Variants in CTNNA2 observed in about 807,000 individuals in gnomAD.
CTNNA2 encodes the protein catenin alpha 2.
Under a neutral mutation model 101.0 loss-of-function variants are expected in CTNNA2, and 42 were observed. The observed-to-expected ratio is 0.42, with a 90% CI of 0.32 to 0.54. CTNNA2 has a LOEUF of 0.54. Among genes scored for constraint, CTNNA2 ranks in the 20% least tolerant of loss-of-function variants. CTNNA2 has a pLI of 0.14. For synonymous variants in CTNNA2, 450 were observed against 456.4 expected (o/e 0.99, Z 0.18); for missense variants, 871 against 1,223.1 (o/e 0.71, Z 4.29).
At chr2:79,354,110 T>C (rs1372373315) in intron 3 of CTNNA2, among the ~76,000 whole-genome samples, 1 of 152,128 alleles carries the variant, frequency 6.6e-6, no homozygotes, top group African/African-American at 2.4e-5. Context: ...AAGAATACTT[T>C]TTCTTTTGAG....
intron 7 of CTNNA2, among the ~76,000 whole-genome samples, chr2:80,000,196 T>C (rs1260600498): frequency 2.0e-5 from 3 of 152,202 alleles, no homozygotes; most frequent in Non-Finnish European, 4.4e-5. Flanking sequence ...TTTAAGAGCA[T>C]GTTTTGCCGA....
At position 79,797,699 on chromosome 2, in the gene CTNNA2, A is replaced by G. The variant is rs182529161; in HGVS notation, c.298+53117A>G. ...AAAAAATGATTGGCTTAACAGAAAA[A>G]TTGCCCCTGTTGTGTTTGTACATTT... On this transcript the variant is annotated intron_variant, in intron 3 of 18. Coordinates refer to ENST00000402739, the MANE Select transcript of CTNNA2 (RefSeq NM_001282597.3). Among the ~76,000 whole-genome samples, 639 of 151,756 alleles carry G rather than the reference A, an allele frequency of 4.2e-3. 4 individuals carry two copies. Among genetic ancestry groups the G allele is most frequent in the African/African-American group, 0.015 (611 of 41,328 alleles).
chr2:80,478,926 G>C (rs1322644839), intron 9 of CTNNA2, among the ~76,000 whole-genome samples: 1 of 151,790 alleles, frequency 6.6e-6, no homozygotes, highest in Non-Finnish European at 1.5e-5. Flanking sequence ...ACTGGCATTG[G>C]TGAGAGGAAT....
chr2:79,818,118 G>C (rs545099882), intron 3 of CTNNA2, among the ~76,000 whole-genome samples: 1 of 152,252 alleles, frequency 6.6e-6, no homozygotes, highest in East Asian at 1.9e-4. Flanking sequence ...AGTAATGGCT[G>C]TGATTATATA....
At chr2:79,542,007 T>A (rs2103994938) in intron 1 of CTNNA2, among the ~76,000 whole-genome samples, 1 of 152,300 alleles carries the variant, frequency 6.6e-6, no homozygotes, top group African/African-American at 2.4e-5. Context: ...TAATAATGCT[T>A]TCAACTGAGA....
chr2:79,536,574 A>AGTATGTGTGTGTGTGTGTGTGTGTGT lies in CTNNA2; in HGVS notation c.-6+23369_-6+23370insATGTGTGTGTGTGTGTGTGTGTGTGT, dbSNP rs34403615. Among the ~76,000 whole-genome samples the AGTATGTGTGTGTGTGTGTGTGTGTGT allele has an allele frequency of 1.2e-3, 183 of 146,758 alleles. 1 individual carries two copies. Among genetic ancestry groups the AGTATGTGTGTGTGTGTGTGTGTGTGT allele is most frequent in the East Asian group, 4.2e-3 (21 of 4,944 alleles). On this transcript the variant is annotated intron_variant, in intron 1 of 18. Coordinates refer to ENST00000402739, the MANE Select transcript of CTNNA2 (RefSeq NM_001282597.3). ...ATATACACCTAAATATCTCTAAAGA[A>AGTATGTGTGTGTGTGTGTGTGTGTGT]GTGTGTGTGTGTGTGTGTGTGTGTG...
intron 6 of CTNNA2, among the ~76,000 whole-genome samples, chr2:79,897,623 C>T (rs976520063): frequency 3.9e-5 from 6 of 152,148 alleles, no homozygotes; most frequent in African/African-American, 4.8e-5. Flanking sequence ...TTTAAGCAAC[C>T]TACTCAGCTA....
intron 3 of CTNNA2, among the ~76,000 whole-genome samples, chr2:79,808,920 C>T (rs1444080498): frequency 2.6e-5 from 4 of 152,150 alleles, no homozygotes; most frequent in Admixed American, 2.6e-4. Context: ...GGTATTTCTC[C>T]TAATGCTATC....
Position 80,043,567 on chromosome 2 carries a change from C to T in CTNNA2, c.1056+133770C>T, listed in dbSNP as rs139763922. On this transcript the variant is annotated intron_variant, in intron 7 of 18. Transcript: ENST00000402739. The stretch of plus-strand genomic sequence containing the variant: ...ATATAGATCAAACCTACAGTCCTTG[C>T]GGGTTGAATGCAGAGCTCTCACAGG... Among the ~76,000 whole-genome samples, 83 of 152,202 alleles carry T rather than the reference C, an allele frequency of 5.5e-4. 1 individual carries two copies. Among genetic ancestry groups the T allele is most frequent in the Middle Eastern group, 3.4e-3 (1 of 294 alleles).
At chr2:79,743,824 A>G (rs1671463474) in intron 2 of CTNNA2, among the ~76,000 whole-genome samples, 1 of 152,102 alleles carries the variant, frequency 6.6e-6, no homozygotes, top group Non-Finnish European at 1.5e-5. Context: ...GTGAGCCACC[A>G]CGCCTGGCAG....
chr2:79,900,842 G>A (rs1158542961), intron 6 of CTNNA2, among the ~76,000 whole-genome samples: 2 of 152,108 alleles, frequency 1.3e-5, no homozygotes, highest in African/African-American at 4.8e-5. Flanking sequence ...AATGCTTGAG[G>A]TGATGGACAC....
intron 1 of CTNNA2, among the ~76,000 whole-genome samples, chr2:79,594,038 A>G (rs2104007986): frequency 6.6e-6 from 1 of 151,254 alleles, no homozygotes; most frequent in Non-Finnish European, 1.5e-5. Context: ...ATAGGCGACC[A>G]CCACCATGGC....
chr2:80,645,578 C>CAGTA (rs10640515), intron 18 of CTNNA2, among the ~76,000 whole-genome samples: 76,615 of 151,366 alleles, frequency 0.51, 19,474 homozygotes, highest in East Asian at 0.66. Flanking sequence ...GGTTTTGATT[C>CAGTA]AGTAAGTTTT....
intron 2 of CTNNA2, among the ~76,000 whole-genome samples, chr2:79,244,731 C>A (rs1200596712): frequency 6.6e-6 from 1 of 152,136 alleles, no homozygotes; most frequent in African/African-American, 2.4e-5. Context: ...TTATGTTGTT[C>A]TTTTTTAATA....
chr2:80,453,576 CAAAAT>C (rs1333619815), intron 9 of CTNNA2, among the ~76,000 whole-genome samples: 1 of 151,966 alleles, frequency 6.6e-6, no homozygotes. Flanking sequence ...AAAAAACAAA[CAAAAT>C]AAAACAGAAA....
At chr2:79,837,055 G>A (rs116831161) in intron 3 of CTNNA2, among the ~76,000 whole-genome samples, 1,884 of 152,270 alleles carry the variant, frequency 0.012, 36 homozygotes, top group African/African-American at 0.043. Context: ...ATTTTAGGGA[G>A]ATACAATTAA....
At chr2:79,518,215 C>T (rs780755070) in intron 1 of CTNNA2, among the ~76,000 whole-genome samples, 10 of 152,030 alleles carry the variant, frequency 6.6e-5, no homozygotes, top group Middle Eastern at 3.2e-3. Context: ...TTGTAGACAT[C>T]GGGCTATTTT....
At chr2:79,485,221 TAA>T (rs11320348) in intron 4 of CTNNA2, among the ~76,000 whole-genome samples, 5 of 150,288 alleles carry the variant, frequency 3.3e-5, no homozygotes, top group African/African-American at 9.8e-5. Context: ...TTATACTAAG[TAA>T]AAAAAAAATA....
At chr2:80,319,107 T>C (rs1678431580) in intron 7 of CTNNA2, among the ~76,000 whole-genome samples, 1 of 152,206 alleles carries the variant, frequency 6.6e-6, no homozygotes, top group African/African-American at 2.4e-5. Flanking sequence ...TCAAATGGTC[T>C]TCTGAATTCC....
Sources: allele counts gnomAD v4.1 joint callset (sites outside exome capture counted in the v4.1 genomes callset), GRCh38; gene constraint gnomAD v4.1.1; transcripts MANE v1.5; gene names NCBI Gene and HGNC (gene_info 2026-07-23, HGNC 2026-07-21).